The following PTPRD variants were observed in gnomAD, a reference collection of about 807,000 sequenced individuals.
The protein encoded by PTPRD is receptor-type tyrosine-protein phosphatase delta.
A neutral mutation model predicts 214.5 loss-of-function variants in PTPRD; 34 were observed. The observed-to-expected ratio is 0.16, with a 90% CI of 0.12 to 0.21. The LOEUF (loss-of-function observed/expected upper bound fraction) is 0.21, where lower values mean the gene tolerates loss of function less well. Among genes scored for constraint, PTPRD ranks in the 10% least tolerant of loss-of-function variants. The pLI, the probability that PTPRD is intolerant of heterozygous loss-of-function variation, is 1.00. For synonymous variants in PTPRD, 1,128 were observed against 845.7 expected (o/e 1.33, Z -5.79); for missense variants, 2,545 against 2,398.7 (o/e 1.06, Z -1.27).
intron 12 of PTPRD, among the ~76,000 whole-genome samples, chr9:8,710,074 T>A (rs2098297702): frequency 6.6e-6 from 1 of 152,218 alleles, no homozygotes; most frequent in South Asian, 2.1e-4. Context: ...ACATGATTGT[T>A]ATTAAATAAT....
chr9:9,150,137 T>G (rs1047372449), intron 10 of PTPRD, among the ~76,000 whole-genome samples: 17 of 152,142 alleles, frequency 1.1e-4, no homozygotes, highest in Non-Finnish European at 2.4e-4. Context: ...AAAGGTTGCT[T>G]TCTGTAATGC....
intron 4 of PTPRD, among the ~76,000 whole-genome samples, chr9:9,961,688 T>A (rs1423163494): frequency 6.6e-6 from 1 of 152,156 alleles, no homozygotes; most frequent in African/African-American, 2.4e-5. Context: ...TGAGTGCAAT[T>A]CCATGCCTTC....
intron 7 of PTPRD, among the ~76,000 whole-genome samples, chr9:9,588,054 T>C (rs140646417): frequency 6.6e-6 from 1 of 152,074 alleles, no homozygotes; most frequent in African/African-American, 2.4e-5. Context: ...ATATCTCAAA[T>C]ATCCTGACTT....
At chr9:8,916,723 C>T (rs2098788695) in intron 11 of PTPRD, among the ~76,000 whole-genome samples, 4 of 152,166 alleles carry the variant, frequency 2.6e-5, no homozygotes, top group Admixed American at 2.6e-4. Flanking sequence ...ATGAATACTT[C>T]CTTGAATGCC....
At chr9:10,493,406 G>A (rs1330897019) in intron 2 of PTPRD, among the ~76,000 whole-genome samples, 1 of 151,956 alleles carries the variant, frequency 6.6e-6, no homozygotes, top group Non-Finnish European at 1.5e-5. Flanking sequence ...CAGATATATA[G>A]ACCAATGGAA....
At chr9:9,958,713 T>C (rs1336250068) in intron 4 of PTPRD, among the ~76,000 whole-genome samples, 1 of 152,146 alleles carries the variant, frequency 6.6e-6, no homozygotes, top group Non-Finnish European at 1.5e-5. Context: ...AGGAAACAAG[T>C]GACCCAATTT....
chr9:10,090,117 C>T (rs771582855), intron 3 of PTPRD, among the ~76,000 whole-genome samples: 1 of 151,592 alleles, frequency 6.6e-6, no homozygotes, highest in Non-Finnish European at 1.5e-5. Flanking sequence ...TAAGCATATC[C>T]ATATAGCATA....
At position 8,746,097 on chromosome 9, in the gene PTPRD, T is replaced by A. The variant is rs1258843173; in HGVS notation, c.-103-12151A>T. ...GCATGAGCCACCATGCCCAATCGAT[T>A]TTTTTTTTTTCTCTGTAAAATTTAA... On this transcript the variant is annotated intron_variant, in intron 11 of 45. Coordinates refer to ENST00000381196, the MANE Select transcript of PTPRD (RefSeq NM_002839.4). Among the ~76,000 whole-genome samples, 3 of 130,362 alleles carry A rather than the reference T, an allele frequency of 2.3e-5. No individual in the cohort carries two copies. The South Asian group carries it at 6.7e-4, about 29-fold the overall frequency. The allele number at this position is 130,362 out of a possible 152,430, so 85.5% of individuals were successfully genotyped here. A position where few individuals can be genotyped will look rare whatever the true frequency, so the allele number is the denominator to read the frequency against.
chr9:9,837,084 T>C (rs1028803487), intron 5 of PTPRD, among the ~76,000 whole-genome samples: 11 of 152,172 alleles, frequency 7.2e-5, no homozygotes, highest in African/African-American at 2.4e-4. Context: ...CTTTTCCCTA[T>C]GTTATGTGTA....
At chr9:8,797,628 A>T (rs2096468324) in intron 11 of PTPRD, among the ~76,000 whole-genome samples, 1 of 152,168 alleles carries the variant, frequency 6.6e-6, no homozygotes, top group South Asian at 2.1e-4. Context: ...ACACTATCAC[A>T]TCTGTGAAGC....
intron 20 of PTPRD, among the ~76,000 whole-genome samples, chr9:8,519,052 A>G (rs1592603494): frequency 6.6e-6 from 1 of 152,220 alleles, no homozygotes; most frequent in South Asian, 2.1e-4. Flanking sequence ...GGTAAGACAC[A>G]ATACCATTAC....
chr9:8,419,717 T>C (rs550849454), intron 35 of PTPRD, among the ~76,000 whole-genome samples: 16 of 152,140 alleles, frequency 1.1e-4, no homozygotes, highest in African/African-American at 3.9e-4. Context: ...AACAAAATAC[T>C]ATGCCTGTTA....
chr9:8,935,841 G>A lies in PTPRD; in HGVS notation c.-104+82856C>T, dbSNP rs553274846. Among the ~76,000 whole-genome samples, 6 of 152,268 alleles carry A rather than the reference G, an allele frequency of 3.9e-5. No individual in the cohort carries two copies. The East Asian group carries it at 7.7e-4, about 20-fold the overall frequency. On this transcript the variant is annotated intron_variant, in intron 11 of 45. Transcript: ENST00000381196. Reference sequence around the variant, plus strand: ...CCCCTTTCCCTTTCCATCCAAGAGTGAGTATACAGTTTCCTTTTGGGGTTA... The same window carrying A: ...CCCCTTTCCCTTTCCATCCAAGAGTAAGTATACAGTTTCCTTTTGGGGTTA...
chr9:9,371,839 C>T (rs969519963), intron 9 of PTPRD, among the ~76,000 whole-genome samples: 3 of 152,114 alleles, frequency 2.0e-5, no homozygotes, highest in Non-Finnish European at 2.9e-5. Flanking sequence ...TTTCAAAGAA[C>T]ATCTTTATTT....
intron 37 of PTPRD, 61 bp downstream of exon 37, chr9:8,389,171 T>C (rs2135622293): frequency 1.4e-6 from 2 of 1,419,044 alleles, no homozygotes; most frequent in Non-Finnish European, 1.9e-6. Flanking sequence ...GAATAAAATA[T>C]GCAACATAGG....
At chr9:10,111,229 C>CTT (rs34045121) in intron 3 of PTPRD, among the ~76,000 whole-genome samples, 3,200 of 72,216 alleles carry the variant, frequency 0.044, 740 homozygotes, top group African/African-American at 0.13. Context: ...AGTTTAGTTT[C>CTT]TTTTTTTTTT....
chr9:9,473,382 A>G (rs984626446), intron 8 of PTPRD, among the ~76,000 whole-genome samples: 1 of 152,164 alleles, frequency 6.6e-6, no homozygotes, highest in East Asian at 1.9e-4. Flanking sequence ...GTTGATGAAC[A>G]TTTAGGTTGA....
intron 14 of PTPRD, among the ~76,000 whole-genome samples, chr9:8,613,331 A>T (rs549087007): frequency 3.9e-4 from 59 of 152,268 alleles, no homozygotes; most frequent in Non-Finnish European, 7.9e-4. Flanking sequence ...GGGAAGGGAA[A>T]GGTACTATCC....
chr9:10,143,280 T>TAAATAAAATA (rs534466567), intron 3 of PTPRD, among the ~76,000 whole-genome samples: 12,624 of 117,622 alleles, frequency 0.11, 628 homozygotes, highest in Admixed American at 0.18. Context: ...ATAATAATAA[T>TAAATAAAATA]AAATAAAATA....
Sources: gnomAD v4.1 joint callset for allele counts (sites outside exome capture counted in the v4.1 genomes callset) on GRCh38, gnomAD v4.1.1 for gene constraint, MANE v1.5 for transcripts, NCBI Gene and HGNC (gene_info 2026-07-23, HGNC 2026-07-21) for gene names.